The following DGKB variants were observed in gnomAD, a reference collection of about 807,000 sequenced individuals.
DGKB encodes 90 kDa diacylglycerol kinase.
DGKB carries 67 observed loss-of-function variants against 114.3 expected under a neutral mutation model. The observed-to-expected ratio is 0.59, with a 90% CI of 0.48 to 0.72. The LOEUF (loss-of-function observed/expected upper bound fraction) is 0.72. DGKB is among the 30% of genes least tolerant of loss of function. DGKB has a pLI of 0.00. For synonymous variants in DGKB, 398 were observed against 323.1 expected, an observed-to-expected ratio of 1.23 and a Z score of -2.49; for missense variants, 907 against 975.2, an observed-to-expected ratio of 0.93 and a Z score of 0.93.
chr7:14,747,775 G>GCGCGCGCGCGCGCGCGCACACA, intron 4 of DGKB, among the ~76,000 whole-genome samples: 56 of 149,278 alleles, frequency 3.8e-4, no homozygotes, highest in East Asian at 2.0e-3. Flanking sequence ...ACATCCACGC[G>GCGCGCGCGCGCGCGCGCACACA]CACGCACACA....
intron 1 of DGKB, among the ~76,000 whole-genome samples, chr7:14,899,862 AT>A (rs1191004200): frequency 6.6e-6 from 1 of 152,000 alleles, no homozygotes; most frequent in Non-Finnish European, 1.5e-5. Flanking sequence ...TACCATTTTA[AT>A]TTTTTTTAAG....
rs544590081 is a variant in DGKB, at chr7:14,483,858, C to T, written c.1771-5633G>A. Among the ~76,000 whole-genome samples the T allele has an allele frequency of 2.6e-5, 4 of 152,182 alleles. No homozygotes were observed. The East Asian group carries it at 5.8e-4, about 22-fold the overall frequency. On this transcript the variant is annotated intron_variant, in intron 20 of 25. Coordinates refer to ENST00000402815, the MANE Select transcript of DGKB (RefSeq NM_001350709.2). Reference sequence around the variant, plus strand: ...ACAAGAAATGTTTTGTTCTCCATCACCTCTGGAGGGAGCATAAACCTAGGA... The same window carrying T: ...ACAAGAAATGTTTTGTTCTCCATCATCTCTGGAGGGAGCATAAACCTAGGA...
rs1053865502 is a variant in DGKB at position 14,247,477 on chromosome 7, A to C, written c.2123-69326T>G. On this transcript the variant is annotated intron_variant, in intron 23 of 25. Coordinates refer to ENST00000402815, the MANE Select transcript of DGKB (RefSeq NM_001350709.2). ...ATTTACATTCCCAGGAGCAGGGTAC[A>C]AGTGTTCCCCTTTCTCCATATCTTC... 2.6e-5 allele frequency among the ~76,000 whole-genome samples: 4 copies of C among 152,256 alleles called. No individual in the cohort carries two copies. The East Asian group carries it at 7.7e-4, about 29-fold the overall frequency.
chr7:14,427,154 T>A (rs560703717), intron 21 of DGKB, among the ~76,000 whole-genome samples: 2 of 151,986 alleles, frequency 1.3e-5, no homozygotes, highest in Non-Finnish European at 2.9e-5. Context: ...GCTTAATACC[T>A]AGGTAATAGG....
chr7:14,313,566 T>A (rs1171280167), intron 23 of DGKB, among the ~76,000 whole-genome samples: 1 of 152,264 alleles, frequency 6.6e-6, no homozygotes. Flanking sequence ...AATACTGCGC[T>A]TTTCCGACGG....
At chr7:14,185,940 T>G (rs1302845204) in intron 23 of DGKB, among the ~76,000 whole-genome samples, 1 of 152,178 alleles carries the variant, frequency 6.6e-6, no homozygotes, top group African/African-American at 2.4e-5. Context: ...GGAAAAACTC[T>G]CCTAGACATT....
intron 1 of DGKB, among the ~76,000 whole-genome samples, chr7:14,853,028 A>G (rs2128163573): frequency 1.3e-5 from 2 of 152,318 alleles, no homozygotes; most frequent in South Asian, 4.1e-4. Context: ...GAAACTGATG[A>G]TTGCGGGCAA....
chr7:14,343,238 G>T (rs1177123682), intron 22 of DGKB, among the ~76,000 whole-genome samples: 1 of 149,258 alleles, frequency 6.7e-6, no homozygotes, highest in Non-Finnish European at 1.5e-5. Context: ...TGCACACAGT[G>T]CTGGCTGTGA....
chr7:14,942,811 TC>T (rs1224713484), intron 1 of DGKB, among the ~76,000 whole-genome samples: 1 of 152,070 alleles, frequency 6.6e-6, no homozygotes, highest in East Asian at 1.9e-4. Context: ...CTTCTCCTTA[TC>T]CCCTTACCTA....
chr7:14,370,257 A>G lies in DGKB; in HGVS notation c.1836-24866T>C, dbSNP rs1278436516. 2.6e-5 allele frequency among the ~76,000 whole-genome samples: 4 copies of G among 152,290 alleles called. No homozygotes were observed. In the South Asian group the frequency reaches 8.3e-4, roughly 32 times the overall value. On this transcript the variant is annotated intron_variant, in intron 21 of 25. Transcript: ENST00000402815. ...GGTTTGTCAAAGATCAGATGGTTGT[A>G]GATGTGTGGCATTATTTCCGAGGCC...
chr7:14,531,928 T>C lies in DGKB; in HGVS notation c.1770+42284A>G, dbSNP rs183230355. On this transcript the variant is annotated intron_variant, in intron 20 of 25. Coordinates refer to ENST00000402815, the MANE Select transcript of DGKB (RefSeq NM_001350709.2). ...TCAAACAATTCAATAGAGAAAATAA[T>C]AGAACTTTTATCATGCTAGTGAGAT... Among the ~76,000 whole-genome samples, 33 of 151,024 alleles carry C rather than the reference T, an allele frequency of 2.2e-4. No individual in the cohort carries two copies. The East Asian group carries it at 6.4e-3, about 29-fold the overall frequency.
At chr7:14,780,379 T>G (rs1838888108) in intron 2 of DGKB, among the ~76,000 whole-genome samples, 1 of 152,192 alleles carries the variant, frequency 6.6e-6, no homozygotes, top group Admixed American at 6.5e-5. Flanking sequence ...TTTGCCTACT[T>G]TTTTATTCTA....
intron 21 of DGKB, among the ~76,000 whole-genome samples, chr7:14,441,309 T>A (rs1830060569): frequency 6.6e-6 from 1 of 152,138 alleles, no homozygotes; most frequent in Admixed American, 6.5e-5. Context: ...GCCCGACCCA[T>A]ATCTTTTGCC....
At chr7:14,723,383 T>C (rs148803660) in intron 5 of DGKB, among the ~76,000 whole-genome samples, 1 of 131,378 alleles carries the variant, frequency 7.6e-6, no homozygotes, top group Non-Finnish European at 1.6e-5. Flanking sequence ...AACATAAAGC[T>C]GGGCAAAACA....
intron 9 of DGKB, among the ~76,000 whole-genome samples, chr7:14,688,050 T>G (rs1344603799): frequency 6.6e-6 from 1 of 152,176 alleles, no homozygotes; most frequent in East Asian, 1.9e-4. Context: ...AGAGAAGAAA[T>G]TGAAACCAGG....
At chr7:14,728,042 G>A (rs1355242581) in intron 5 of DGKB, among the ~76,000 whole-genome samples, 1 of 152,000 alleles carries the variant, frequency 6.6e-6, no homozygotes, top group Non-Finnish European at 1.5e-5. Context: ...AAGTACTTGG[G>A]GCGTGACTCA....
At chr7:14,573,842 T>C (rs2128708810) in intron 20 of DGKB, among the ~76,000 whole-genome samples, 1 of 152,186 alleles carries the variant, frequency 6.6e-6, no homozygotes, top group African/African-American at 2.4e-5. Context: ...TAAGATAAAA[T>C]TTAACGCAAT....
chr7:14,438,404 A>T (rs1006684113), intron 21 of DGKB, among the ~76,000 whole-genome samples: 12 of 152,088 alleles, frequency 7.9e-5, no homozygotes, highest in Admixed American at 7.2e-4. Context: ...TTAATTTTGT[A>T]CTCATGTTCT....
chr7:14,153,185 G>C (rs34988547), intron 25 of DGKB, among the ~76,000 whole-genome samples: 1 of 152,024 alleles, frequency 6.6e-6, no homozygotes, highest in South Asian at 2.1e-4. Flanking sequence ...GGTTCAGCTC[G>C]TTGGTGATTT....
Sources: gnomAD v4.1 joint callset for allele counts (sites outside exome capture counted in the v4.1 genomes callset) on GRCh38, gnomAD v4.1.1 for gene constraint, MANE v1.5 for transcripts, NCBI Gene and HGNC (gene_info 2026-07-23, HGNC 2026-07-21) for gene names.